The following CRMP1 variants were observed in gnomAD, a reference collection of about 807,000 sequenced individuals.
CRMP1 encodes dihydropyrimidinase-related protein 1.
Under a neutral mutation model 68.3 loss-of-function variants are expected in CRMP1, and 19 were observed. The ratio of observed to expected loss-of-function variants is 0.28; its 90% CI spans 0.19 to 0.41. The LOEUF is 0.41. Among genes scored for constraint, CRMP1 ranks in the 10% least tolerant of loss-of-function variants. CRMP1 has a pLI of 1.00. For missense variants in CRMP1, 791 were observed against 967.4 expected (o/e 0.82, Z 2.42); for synonymous variants, 439 against 399.6 (o/e 1.10, Z -1.18).
At chr4:5,831,761 CTGAATTGTAAACATCA>C in intron 11 of CRMP1, among the ~76,000 whole-genome samples, 1 of 152,332 alleles carries the variant, frequency 6.6e-6, no homozygotes, top group Admixed American at 6.5e-5. Flanking sequence ...CACAAGAACA[CTGAATTGTAAACATCA>C]ATTCCTTCAT....
chr4:5,828,998 T>TAAGAA (rs1720126523), intron 11 of CRMP1, among the ~76,000 whole-genome samples: 4 of 152,194 alleles, frequency 2.6e-5, no homozygotes, highest in Admixed American at 2.6e-4. Flanking sequence ...AAAATGTTCT[T>TAAGAA]CATTTTACTT....
At chr4:5,856,948 T>TCAC (rs1303855145) in intron 3 of CRMP1, among the ~76,000 whole-genome samples, 1 of 8,700 alleles carries the variant, frequency 1.1e-4, no homozygotes, top group African/African-American at 5.0e-4. Context: ...ATCATCACCA[T>TCAC]CACCACCACC....
At position 5,892,345 on chromosome 4, in the gene CRMP1, C is replaced by T. The variant is rs534931572; in HGVS notation, c.381+244G>A. On this transcript the variant is annotated intron_variant, in intron 1 of 13. Transcript: ENST00000324989. The surrounding 1 kb of genome is among the most constrained non-coding windows in gnomAD (Gnocchi z 8.6). ...CTCTCCCTTTCTGTAGAAGAGGAGC[C>T]GGGACTGGACCCGGGCGATCCCTTC... Among the ~76,000 whole-genome samples, 1 of 152,160 alleles carries T rather than the reference C, an allele frequency of 6.6e-6. No homozygotes were observed. Among genetic ancestry groups the T allele is most frequent in the Non-Finnish European group, 1.5e-5 (1 of 68,030 alleles).
intron 11 of CRMP1, among the ~76,000 whole-genome samples, chr4:5,831,173 C>T (rs1042714923): frequency 4.6e-5 from 7 of 152,068 alleles, no homozygotes; most frequent in African/African-American, 1.7e-4. Context: ...TGGTTTCAAA[C>T]TCCTAGCCTC....
At chr4:5,887,568 C>T (rs1488125698) in intron 1 of CRMP1, 1 of 985,362 alleles carries the variant, frequency 1.0e-6, no homozygotes, top group Non-Finnish European at 1.2e-6. Flanking sequence ...CCCGGCTGTT[C>T]TGCCTCCACC....
At position 5,843,064 on chromosome 4, in the gene CRMP1, G is replaced by A; in HGVS notation, c.1032+29C>T. 1 of 1,609,546 alleles carries A rather than the reference G, an allele frequency of 6.2e-7. No individual in the cohort carries two copies. Among genetic ancestry groups the A allele is most frequent in the Non-Finnish European group, 8.5e-7 (1 of 1,176,346 alleles). On this transcript the variant is annotated intron_variant, in intron 7 of 13. Coordinates refer to ENST00000324989, the MANE Select transcript of CRMP1 (RefSeq NM_001014809.3). This position sits in a 1 kb window ranked among gnomAD's most constrained non-coding sequence, Gnocchi z 4.1. ...GGTGAGTGCTCAGTGGTGAGTGTCA[G>A]AGTCATGCCCAAGTTGAGGAGTCCT...
chr4:5,825,842 T>A lies in CRMP1; in HGVS notation c.1804-183A>T. On this transcript the variant is annotated intron_variant, in intron 12 of 13. Coordinates refer to ENST00000324989, the MANE Select transcript of CRMP1 (RefSeq NM_001014809.3). This position sits in a 1 kb window ranked among gnomAD's most constrained non-coding sequence, Gnocchi z 4.4. Reference sequence around the variant, plus strand: ...ACACACATGCAGCCGCACACAGGCATTCATACACACAAGCATGCATACACA... The same window carrying A: ...ACACACATGCAGCCGCACACAGGCAATCATACACACAAGCATGCATACACA... The A allele has an allele frequency of 1.7e-6, 1 of 605,396 alleles. No individual in the cohort carries two copies. Among genetic ancestry groups the A allele is most frequent in the African/African-American group, 2.4e-5 (1 of 42,458 alleles). The allele number at this position is 605,396 out of a possible 1,614,324, so 37.5% of individuals were successfully genotyped here.
chr4:5,820,777 G>A lies in CRMP1; in HGVS notation c.*983C>T, dbSNP rs1718390909. ...CCACCACTGAAATGAAAGTGCCCTAGTCAGGTCAGTGGGCAGTTCATTTTC... is the reference window on the plus strand; with the variant it reads ...CCACCACTGAAATGAAAGTGCCCTAATCAGGTCAGTGGGCAGTTCATTTTC... On this transcript the variant is annotated 3_prime_UTR_variant, in exon 14 of 14. Transcript: ENST00000324989. The A allele has an allele frequency of 6.6e-6, 1 of 151,578 alleles. No individual in the cohort carries two copies. Among genetic ancestry groups the A allele is most frequent in the South Asian group, 2.1e-4 (1 of 4,780 alleles). 9.4% of individuals were successfully genotyped at this position (151,578 alleles called of 1,614,324 possible).
rs1712835340 is a variant in CRMP1 at position 5,853,751 on chromosome 4, T to TAG, written c.821-2284_821-2283dup. Among the ~76,000 whole-genome samples the TAG allele has an allele frequency of 6.6e-6, 1 of 152,218 alleles. No individual in the cohort carries two copies. Among genetic ancestry groups the TAG allele is most frequent in the Admixed American group, 6.5e-5 (1 of 15,288 alleles). Reference sequence around the variant, plus strand: ...TGGTAAACATACACAATGGATGCCTTAGTAAAGAAGGACATCGTGTCATTT... The same window carrying TAG: ...TGGTAAACATACACAATGGATGCCTTAGAGTAAAGAAGGACATCGTGTCATTT... On this transcript the variant is annotated intron_variant, in intron 4 of 13. Coordinates refer to ENST00000324989, the MANE Select transcript of CRMP1 (RefSeq NM_001014809.3). The surrounding 1 kb of genome is among the most constrained non-coding windows in gnomAD (Gnocchi z 4.7).
chr4:5,829,938 C>T (rs16837714), intron 11 of CRMP1, among the ~76,000 whole-genome samples: 15,515 of 152,148 alleles, frequency 0.1, 1,311 homozygotes, highest in African/African-American at 0.23. Context: ...CAGATTTGCC[C>T]TCCAAAAAAG....
chr4:5,840,977 A>ACACG (rs1553904368), intron 8 of CRMP1, among the ~76,000 whole-genome samples: 1 of 64,224 alleles, frequency 1.6e-5, no homozygotes, highest in African/African-American at 1.0e-4. Context: ...CATGTAAGAT[A>ACACG]CTGAATTTTG....
chr4:5,875,549 T>A (rs1302398571), intron 1 of CRMP1, among the ~76,000 whole-genome samples: 1 of 152,144 alleles, frequency 6.6e-6, no homozygotes, highest in Non-Finnish European at 1.5e-5. Context: ...GACTATGTCA[T>A]CAAGGAGGGG....
chr4:5,822,486 G>T (rs1233299681), intron 13 of CRMP1, among the ~76,000 whole-genome samples: 1 of 132,584 alleles, frequency 7.5e-6, no homozygotes, highest in Admixed American at 7.1e-5. Context: ...GCGATAGGTG[G>T]ATCTGAAGGG....
At chr4:5,874,903 C>T (rs549881609) in intron 1 of CRMP1, among the ~76,000 whole-genome samples, 3 of 152,224 alleles carry the variant, frequency 2.0e-5, no homozygotes, top group African/African-American at 7.2e-5. Flanking sequence ...CTGCACGCTA[C>T]AGATGCTGCA....
rs755904586 is a variant in CRMP1 at position 5,841,323 on chromosome 4, G to C, written c.1138C>G (p.Leu380Val). 1.2e-6 allele frequency: 2 copies of C among 1,613,982 alleles called. No individual in the cohort carries two copies. Among genetic ancestry groups the C allele is most frequent in the Admixed American group, 3.3e-5 (2 of 60,016 alleles). The change falls in exon 8 of 14, where the codon CTG (leucine) becomes GTG (valine). Residue 380 changes from leucine (L) to valine (V), a missense_variant. Leu to Val is a conservative substitution (Grantham distance 32). Transcript: ENST00000324989. This position sits in a 1 kb window ranked among gnomAD's most constrained non-coding sequence, Gnocchi z 6.9. ...MSKSAADIIA[L>V]ARKKGPLVFG... ...GGCTGCATACCTTTCTTCCTGGCCAGAGCGATGATGTCGGCTGCACTCTTG... is the reference window on the plus strand; with the variant it reads ...GGCTGCATACCTTTCTTCCTGGCCACAGCGATGATGTCGGCTGCACTCTTG...
chr4:5,828,163 C>T (rs1458692859), intron 12 of CRMP1: 6 of 985,274 alleles, frequency 6.1e-6, no homozygotes, highest in African/African-American at 1.7e-5. Flanking sequence ...CAGCACCTCC[C>T]GTGGGTGGGC....
At chr4:5,837,978 G>A (rs748341551) in intron 9 of CRMP1, among the ~76,000 whole-genome samples, 3 of 152,204 alleles carry the variant, frequency 2.0e-5, no homozygotes, top group Admixed American at 6.5e-5. Context: ...AAGCAGAGGC[G>A]AATGGGGCAC....
chr4:5,835,536 C>T (rs1482695742), intron 11 of CRMP1, among the ~76,000 whole-genome samples: 1 of 152,244 alleles, frequency 6.6e-6, no homozygotes, highest in Non-Finnish European at 1.5e-5. Flanking sequence ...TTCCGACATA[C>T]CAAATCAAAT....
At chr4:5,833,807 G>C (rs949135381) in intron 11 of CRMP1, among the ~76,000 whole-genome samples, 3 of 152,142 alleles carry the variant, frequency 2.0e-5, no homozygotes, top group Non-Finnish European at 4.4e-5. Flanking sequence ...CACTTTGGGA[G>C]GCCCACACGG....
Sources: gnomAD v4.1 joint callset for allele counts (sites outside exome capture counted in the v4.1 genomes callset) on GRCh38, gnomAD v4.1.1 for gene constraint, Gnocchi (gnomAD v3.1) non-coding constraint, MANE v1.5 for transcripts, NCBI Gene and HGNC (gene_info 2026-07-23, HGNC 2026-07-21) for gene names.